Variants in TTLL11 observed in about 807,000 individuals in gnomAD.
TTLL11 encodes tubulin tyrosine ligase like 11.
TTLL11 carries 42 observed loss-of-function variants against 51.7 expected under a neutral mutation model. That is an observed-to-expected ratio of 0.81 (90% CI 0.64 to 1.05). The LOEUF is 1.05. Among genes scored for constraint, TTLL11 ranks in the 50% least tolerant of loss-of-function variants. TTLL11 has a pLI of 0.00. For synonymous variants in TTLL11, 381 were observed against 383.5 expected, an observed-to-expected ratio of 0.99 and a Z score of 0.08; for missense variants, 799 against 940.4, an observed-to-expected ratio of 0.85 and a Z score of 1.97.
rs1564343986 is a variant in TTLL11, at chr9:121,989,309, G to T, written c.1155C>A (p.Val385=). 1 of 1,614,176 alleles carries T rather than the reference G, an allele frequency of 6.2e-7. No homozygotes were observed. The highest frequency in any genetic ancestry group is 2.2e-5 in the East Asian group (1 of 44,892). The part of the protein sequence containing the change: ...LSSKGVDIKK[V]WSDIISVVIK... ...TCACCACGGAGATGATGTCAGACCA[G>T]ACCTTCTTGATGTCAACGCCTTTGG... Residue 385 remains valine (V), a synonymous_variant, in exon 4 of 9, where the codon GTC becomes GTA. Coordinates refer to ENST00000321582, the MANE Select transcript of TTLL11 (RefSeq NM_001139442.2). This position sits in a 1 kb window ranked among gnomAD's most constrained non-coding sequence, Gnocchi z 4.2.
intron 1 of TTLL11, among the ~76,000 whole-genome samples, chr9:122,042,600 T>C (rs1272029499): frequency 1.3e-5 from 2 of 152,346 alleles, no homozygotes; most frequent in Non-Finnish European, 1.5e-5. Context: ...GAAAAACTTA[T>C]ATCCACACAA....
intron 4 of TTLL11, among the ~76,000 whole-genome samples, chr9:121,979,926 T>C (rs1190328669): frequency 6.6e-6 from 1 of 151,882 alleles, no homozygotes; most frequent in Admixed American, 6.6e-5. Context: ...TAGTGCTCTC[T>C]GCCTTCATAC....
intron 1 of TTLL11, among the ~76,000 whole-genome samples, chr9:122,084,250 C>T (rs999041722): frequency 2.6e-5 from 4 of 151,966 alleles, no homozygotes; most frequent in Admixed American, 2.0e-4. Context: ...ATTAAGGGTG[C>T]GAAGGTTTTA....
chr9:122,000,523 G>A (rs1481937681), intron 3 of TTLL11, among the ~76,000 whole-genome samples: 15 of 143,656 alleles, frequency 1.0e-4, no homozygotes, highest in Non-Finnish European at 1.7e-4. Context: ...ACAGCTTGCT[G>A]TCAAGAAGCC....
chr9:121,816,623 G>C lies in TTLL11; in HGVS notation c.*5964C>G, dbSNP rs868703742. ...GCATGTGTGCATTGTGTACGTGTGT[G>C]CATGTGTGGTGTGTGCGCGCACATG... On this transcript the variant is annotated 3_prime_UTR_variant, in exon 9 of 9. Coordinates refer to ENST00000321582, the MANE Select transcript of TTLL11 (RefSeq NM_001139442.2). 7.3e-5 allele frequency: 11 copies of C among 151,114 alleles called. No homozygotes were observed. Among genetic ancestry groups the C allele is most frequent in the African/African-American group, 2.2e-4 (9 of 40,870 alleles). 9.4% of individuals were successfully genotyped at this position (151,114 alleles called of 1,614,324 possible). A position where few individuals can be genotyped will look rare whatever the true frequency, so the allele number is the denominator to read the frequency against.
Position 122,092,798 on chromosome 9 carries a change from G to C in TTLL11, c.351C>G (p.Gly117=), listed in dbSNP as rs1243470657. 5 of 1,543,474 alleles carry C rather than the reference G, an allele frequency of 3.2e-6. No individual in the cohort carries two copies. In the East Asian group the frequency reaches 1.2e-4, roughly 37 times the overall value. The part of the protein sequence containing the change: ...DKGRSCKRSS[G]HGSGENGSQR... ...GGGAGCCGTTCTCGCCGGAACCGTG[G>C]CCCGAGCTCCGCTTGCAGCTTCGGC... The change falls in exon 1 of 9, where the codon GGC becomes GGG. Residue 117 remains glycine (G), a synonymous_variant. Coordinates refer to ENST00000321582, the MANE Select transcript of TTLL11 (RefSeq NM_001139442.2).
intron 8 of TTLL11, among the ~76,000 whole-genome samples, chr9:121,859,619 T>C (rs916106326): frequency 6.6e-6 from 1 of 152,164 alleles, no homozygotes; most frequent in Non-Finnish European, 1.5e-5. Context: ...CCACAGAACC[T>C]AGAGGATCAA....
chr9:122,004,006 C>T (rs945650799), intron 3 of TTLL11, among the ~76,000 whole-genome samples: 1 of 151,430 alleles, frequency 6.6e-6, no homozygotes, highest in Admixed American at 6.6e-5. Context: ...CCTGTAGTCC[C>T]AGCTACTCAG....
intron 6 of TTLL11, among the ~76,000 whole-genome samples, chr9:121,882,523 G>A (rs770628677): frequency 6.6e-6 from 1 of 152,114 alleles, no homozygotes; most frequent in Non-Finnish European, 1.5e-5. Context: ...CCTGGCTCCT[G>A]CACCCATGCA....
chr9:122,043,206 T>C (rs1989196629), intron 1 of TTLL11, among the ~76,000 whole-genome samples: 1 of 152,126 alleles, frequency 6.6e-6, no homozygotes, highest in Admixed American at 6.5e-5. Flanking sequence ...CTGCACCATA[T>C]GCTCAATTTT....
intron 6 of TTLL11, among the ~76,000 whole-genome samples, chr9:121,930,751 T>TAAG (rs1840934959): frequency 6.6e-6 from 1 of 152,188 alleles, no homozygotes. Flanking sequence ...TGTGTGGACC[T>TAAG]TTGCATCTCT....
chr9:121,957,422 C>T (rs1476864854), intron 6 of TTLL11, among the ~76,000 whole-genome samples: 1 of 152,218 alleles, frequency 6.6e-6, no homozygotes, highest in East Asian at 1.9e-4. Flanking sequence ...GCTTTGTACC[C>T]CGCTCTGAGC....
chr9:121,903,061 C>A (rs931046877), intron 6 of TTLL11, among the ~76,000 whole-genome samples: 1 of 152,170 alleles, frequency 6.6e-6, no homozygotes. Context: ...CAGACACATT[C>A]TCTGATGGCC....
At chr9:121,926,539 C>G (rs1228118022) in intron 6 of TTLL11, among the ~76,000 whole-genome samples, 1 of 152,218 alleles carries the variant, frequency 6.6e-6, no homozygotes, top group African/African-American at 2.4e-5. Context: ...GGAGGTGGTG[C>G]TCTTCCTGGC....
At chr9:121,871,782 C>T (rs994458199) in intron 6 of TTLL11, among the ~76,000 whole-genome samples, 2 of 152,238 alleles carry the variant, frequency 1.3e-5, no homozygotes, top group South Asian at 2.1e-4. Context: ...CAGCCCAAGC[C>T]TTGTGTGCTG....
intron 8 of TTLL11, among the ~76,000 whole-genome samples, chr9:121,826,565 A>ATATATATGTG (rs1836809687): frequency 8.9e-6 from 1 of 111,792 alleles, no homozygotes; most frequent in African/African-American, 3.8e-5. Context: ...GTGTATATAT[A>ATATATATGTG]TATATATATA....
intron 8 of TTLL11, among the ~76,000 whole-genome samples, chr9:121,824,789 C>T (rs1349089944): frequency 1.3e-5 from 2 of 152,124 alleles, no homozygotes; most frequent in Admixed American, 1.3e-4. Context: ...ACTCTGAAAT[C>T]CACACCTTCC....
At chr9:122,018,913 G>A (rs1938542451) in intron 3 of TTLL11, among the ~76,000 whole-genome samples, 1 of 152,194 alleles carries the variant, frequency 6.6e-6, no homozygotes, top group African/African-American at 2.4e-5. Flanking sequence ...GCTGAGAAAA[G>A]AGACTCCCCG....
intron 1 of TTLL11, among the ~76,000 whole-genome samples, chr9:122,067,489 A>G (rs532935055): frequency 2.9e-4 from 44 of 152,302 alleles, no homozygotes; most frequent in African/African-American, 9.9e-4. Flanking sequence ...CCATGAGAAG[A>G]GGATACAAAA....
Sources: gnomAD v4.1 joint callset for allele counts (sites outside exome capture counted in the v4.1 genomes callset) on GRCh38, gnomAD v4.1.1 for gene constraint, Gnocchi (gnomAD v3.1) non-coding constraint, MANE v1.5 for transcripts, NCBI Gene and HGNC (gene_info 2026-07-23, HGNC 2026-07-21) for gene names.